The following FARSB variants were observed in gnomAD, a reference collection of about 807,000 sequenced individuals.
The protein encoded by FARSB is phenylalanyl-tRNA synthetase subunit beta.
Under a neutral mutation model 69.6 loss-of-function variants are expected in FARSB, and 40 were observed. The observed-to-expected ratio is 0.57, with a 90% CI of 0.45 to 0.75. The LOEUF (loss-of-function observed/expected upper bound fraction) is 0.75, where lower values mean the gene tolerates loss of function less well. Ranked by LOEUF, FARSB falls within the 30% of genes least tolerant of loss-of-function variation. The pLI, the probability that FARSB is intolerant of heterozygous loss-of-function variation, is 0.00. For synonymous variants in FARSB, 235 were observed against 247.2 expected, an observed-to-expected ratio of 0.95 and a Z score of 0.46; for missense variants, 632 against 722.9, an observed-to-expected ratio of 0.87 and a Z score of 1.44.
At chr2:222,615,519 A>AGCCACACTGGAG (rs1431051327) in intron 14 of FARSB, among the ~76,000 whole-genome samples, 1 of 152,196 alleles carries the variant, frequency 6.6e-6, no homozygotes, top group Non-Finnish European at 1.5e-5. Context: ...ACTGCACTCC[A>AGCCACACTGGAG]GCCACACTGG....
At chr2:222,614,779 C>T (rs540372097) in intron 14 of FARSB, among the ~76,000 whole-genome samples, 217 of 152,184 alleles carry the variant, frequency 1.4e-3, no homozygotes, top group African/African-American at 5.0e-3. Context: ...TTCAAGGTTA[C>T]AATAAGCTAT....
chr2:222,609,559 C>T (rs1322337711), intron 15 of FARSB, among the ~76,000 whole-genome samples: 2 of 152,162 alleles, frequency 1.3e-5, no homozygotes, highest in Admixed American at 6.5e-5. Context: ...AGCTGAGTCC[C>T]TTGAGTCATG....
chr2:222,607,050 AG>A (rs1234871459), intron 15 of FARSB, among the ~76,000 whole-genome samples: 1 of 152,240 alleles, frequency 6.6e-6, no homozygotes, highest in Non-Finnish European at 1.5e-5. Context: ...GGAACCCACA[AG>A]ACTATAATTT....
chr2:222,617,247 G>A lies in FARSB; in HGVS notation c.1344+2398C>T, dbSNP rs1410518538. Among the ~76,000 whole-genome samples the A allele has an allele frequency of 3.9e-4, 2 of 5,084 alleles. 1 individual carries two copies. Among genetic ancestry groups the A allele is most frequent in the Non-Finnish European group, 1.3e-3 (2 of 1,524 alleles). The allele number at this position is 5,084 out of a possible 152,430, so 3.3% of individuals were successfully genotyped here. ...GATCTCCTGACCTCATGATCCACCCGCCTCGGCCTCCCAAGAAAGATTGAT... is the reference window on the plus strand; with the variant it reads ...GATCTCCTGACCTCATGATCCACCCACCTCGGCCTCCCAAGAAAGATTGAT... On this transcript the variant is annotated intron_variant, in intron 14 of 16. Coordinates refer to ENST00000281828, the MANE Select transcript of FARSB (RefSeq NM_005687.5).
At chr2:222,614,536 T>C (rs865924738) in intron 14 of FARSB, among the ~76,000 whole-genome samples, 60 of 152,322 alleles carry the variant, frequency 3.9e-4, no homozygotes, top group Middle Eastern at 3.4e-3. Context: ...CTACAAGAAA[T>C]ACAAATGTTT....
At chr2:222,616,937 C>T (rs1268369067) in intron 14 of FARSB, among the ~76,000 whole-genome samples, 4 of 151,926 alleles carry the variant, frequency 2.6e-5, no homozygotes, top group African/African-American at 9.7e-5. Context: ...GGTCAAAAGA[C>T]AGGCACTCTC....
rs1334022839 is a variant in FARSB, at chr2:222,587,366, A to G, written c.1618+12562T>C. Among the ~76,000 whole-genome samples, 9 of 152,230 alleles carry G rather than the reference A, an allele frequency of 5.9e-5. No homozygotes were observed. In the East Asian group the frequency reaches 1.7e-3, roughly 29 times the overall value. On this transcript the variant is annotated intron_variant, in intron 16 of 16. Coordinates refer to ENST00000281828, the MANE Select transcript of FARSB (RefSeq NM_005687.5). ...GGGACACATTTAAAGCAGTGTGTAG[A>G]GGGAAATTTATAGAACTGAATGCCC...
intron 16 of FARSB, among the ~76,000 whole-genome samples, chr2:222,572,699 G>A (rs1003887689): frequency 5.3e-5 from 8 of 152,156 alleles, no homozygotes; most frequent in Non-Finnish European, 1.0e-4. Flanking sequence ...CTGGGTTGAT[G>A]CCTCATTTAC....
At chr2:222,599,896 C>A in intron 16 of FARSB, 32 bp downstream of exon 16, 1 of 1,528,538 alleles carries the variant, frequency 6.5e-7, no homozygotes, top group South Asian at 1.3e-5. Context: ...CTGACACTGT[C>A]ACTAACTCTG....
chr2:222,599,831 C>A (rs1690514634), intron 16 of FARSB, 97 bp downstream of exon 16: 3 of 964,628 alleles, frequency 3.1e-6, no homozygotes, highest in African/African-American at 3.3e-5. Context: ...CCCTTTCTTT[C>A]TAAAATCCCA....
At chr2:222,623,577 A>C in intron 13 of FARSB, 73 bp downstream of exon 13, 1 of 864,730 alleles carries the variant, frequency 1.2e-6, no homozygotes, top group Non-Finnish European at 2.0e-6. Flanking sequence ...ATTCTTATAA[A>C]GCATCATAGA....
At position 222,619,319 on chromosome 2, in the gene FARSB, T is replaced by TA. The variant is rs35884135; in HGVS notation, c.1344+325dup. Among the ~76,000 whole-genome samples, 65 of 124,048 alleles carry TA rather than the reference T, an allele frequency of 5.2e-4. 1 individual carries two copies. The highest frequency in any genetic ancestry group is 4.2e-3 in the East Asian group (15 of 3,596). The allele number at this position is 124,048 out of a possible 152,430, so 81.4% of individuals were successfully genotyped here. ...AGACTCTGTCCCAAAAAATAAAAAT[T>TA]AAAAAAAAAAAAAAAAAATGAAATC... On this transcript the variant is annotated intron_variant, in intron 14 of 16. Transcript: ENST00000281828.
In FARSB at chr2:222,640,899, G is replaced by C; in HGVS notation, c.302C>G (p.Pro101Arg). ...AATCAATTTCTGGATTTTTCCATCAGGCATTACCCGTTTATACACTGGAGC... is the reference window on the plus strand; with the variant it reads ...AATCAATTTCTGGATTTTTCCATCACGCATTACCCGTTTATACACTGGAGC... ...IKAPVYKRVM[P>R]DGKIQKLIIT... The change falls in exon 4 of 17, where the codon CCT becomes CGT. Residue 101 changes from proline to arginine, a missense_variant. Coordinates refer to ENST00000281828, the MANE Select transcript of FARSB (RefSeq NM_005687.5). The C allele has an allele frequency of 6.4e-7, 1 of 1,551,718 alleles. No homozygotes were observed. Among genetic ancestry groups the C allele is most frequent in the Non-Finnish European group, 8.8e-7 (1 of 1,133,662 alleles).
chr2:222,633,836 C>T (rs1691506822), intron 6 of FARSB, among the ~76,000 whole-genome samples: 1 of 152,040 alleles, frequency 6.6e-6, no homozygotes, highest in South Asian at 2.1e-4. Flanking sequence ...AGAGTGAAAA[C>T]AGATTTGCAC....
chr2:222,589,064 G>A (rs1367308358), intron 16 of FARSB, among the ~76,000 whole-genome samples: 1 of 152,064 alleles, frequency 6.6e-6, no homozygotes, highest in Non-Finnish European at 1.5e-5. Flanking sequence ...ACAATCCTAA[G>A]CAAAAAGAAC....
chr2:222,631,405 C>T (rs1473473913), intron 8 of FARSB, among the ~76,000 whole-genome samples, 199 bp downstream of exon 8: 1 of 152,148 alleles, frequency 6.6e-6, no homozygotes, highest in South Asian at 2.1e-4. Flanking sequence ...ACATTTGGTG[C>T]TCACTAAACA....
chr2:222,589,959 A>T (rs1690219877), intron 16 of FARSB, among the ~76,000 whole-genome samples: 1 of 152,234 alleles, frequency 6.6e-6, no homozygotes, highest in African/African-American at 2.4e-5. Context: ...CAGTGTGGCG[A>T]TTCCTGAGGG....
In FARSB at chr2:222,602,864, T is replaced by C. The variant is rs1574925251; in HGVS notation, c.1463-2781A>G. 2.0e-5 allele frequency among the ~76,000 whole-genome samples: 3 copies of C among 152,294 alleles called. No individual in the cohort carries two copies. In the East Asian group the frequency reaches 5.8e-4, roughly 29 times the overall value. On this transcript the variant is annotated intron_variant, in intron 15 of 16. Transcript: ENST00000281828. The stretch of plus-strand genomic sequence containing the variant: ...AAATAATATTTCTTGTGTTTATTCC[T>C]AAGTATGTTATCATTTATGTTTTGT...
chr2:222,604,364 C>A (rs968576187), intron 15 of FARSB, among the ~76,000 whole-genome samples: 7 of 152,002 alleles, frequency 4.6e-5, no homozygotes, highest in African/African-American at 1.7e-4. Context: ...AGTTTCTAGC[C>A]ATGAAAGTAT....
Sources: gnomAD v4.1 joint callset for allele counts (sites outside exome capture counted in the v4.1 genomes callset) on GRCh38, gnomAD v4.1.1 for gene constraint, MANE v1.5 for transcripts, NCBI Gene and HGNC (gene_info 2026-07-23, HGNC 2026-07-21) for gene names.